CALN1: variants seen among roughly 807,000 people sequenced by gnomAD.
The protein encoded by CALN1 is calcium-binding protein 8.
Under a neutral mutation model 30.6 loss-of-function variants are expected in CALN1, and 17 were observed. The observed-to-expected ratio is 0.56, with a 90% confidence interval of 0.38 to 0.83. The LOEUF is 0.83. Among genes scored for constraint, CALN1 ranks in the 40% least tolerant of loss-of-function variants. The pLI is 0.00. For missense variants in CALN1, 291 were observed against 354.9 expected (o/e 0.82, Z 1.45); for synonymous variants, 156 against 131.4 (o/e 1.19, Z -1.28).
chr7:72,313,236 T>C (rs570760586), intron 2 of CALN1, among the ~76,000 whole-genome samples: 1 of 152,276 alleles, frequency 6.6e-6, no homozygotes, highest in East Asian at 1.9e-4. Flanking sequence ...CAGATGAGTA[T>C]GGTAATTCGG....
At chr7:72,297,841 T>C (rs1388186769) in intron 2 of CALN1, among the ~76,000 whole-genome samples, 1 of 152,208 alleles carries the variant, frequency 6.6e-6, no homozygotes, top group Non-Finnish European at 1.5e-5. Context: ...TTCCCTAACG[T>C]CAACAGATGA....
chr7:71,789,337 A>C (rs183638923), intron 6 of CALN1, among the ~76,000 whole-genome samples: 189 of 152,222 alleles, frequency 1.2e-3, no homozygotes, highest in Non-Finnish European at 2.2e-3. Context: ...GAATCGCTTG[A>C]ACCCGGGAGG....
the CALN1 span, among the ~76,000 whole-genome samples, chr7:72,499,902 TTTC>T: frequency 1.8e-5 from 1 of 56,326 alleles, no homozygotes. Flanking sequence ...TCTTTCTTTC[TTTC>T]TTTCTTTCTA....
chr7:72,338,476 T>A (rs879664119), intron 2 of CALN1, among the ~76,000 whole-genome samples: 1,711 of 102,000 alleles, frequency 0.017, 31 homozygotes, highest in African/African-American at 0.035. Flanking sequence ...GCACAGTGTG[T>A]GTGTGTGTGT....
intron 4 of CALN1, among the ~76,000 whole-genome samples, chr7:72,075,061 C>T (rs1473116364): frequency 6.6e-6 from 1 of 152,084 alleles, no homozygotes; most frequent in East Asian, 1.9e-4. Flanking sequence ...GGGCTGAGGC[C>T]CAAGAAAAGC....
intron 2 of CALN1, among the ~76,000 whole-genome samples, chr7:72,306,031 T>C (rs1483007193): frequency 6.6e-6 from 1 of 152,192 alleles, no homozygotes; most frequent in African/African-American, 2.4e-5. Flanking sequence ...CCCAAATTCC[T>C]ATCTAAGGGG....
intron 5 of CALN1, among the ~76,000 whole-genome samples, chr7:72,019,825 T>C (rs746086993): frequency 6.6e-6 from 1 of 152,174 alleles, no homozygotes; most frequent in Non-Finnish European, 1.5e-5. Context: ...TATTTAGTGT[T>C]GTTTTCTGGC....
At chr7:72,133,563 G>A (rs577777402) in intron 3 of CALN1, among the ~76,000 whole-genome samples, 40 of 152,282 alleles carry the variant, frequency 2.6e-4, no homozygotes, top group African/African-American at 8.7e-4. Context: ...ACTAATGGAC[G>A]CTAAACCTAG....
At chr7:72,352,428 TC>T (rs1802978525) in intron 2 of CALN1, among the ~76,000 whole-genome samples, 1 of 139,476 alleles carries the variant, frequency 7.2e-6, no homozygotes, top group Admixed American at 7.2e-5. Flanking sequence ...TTTAAAGTTA[TC>T]AAAATCATAC....
intron 6 of CALN1, among the ~76,000 whole-genome samples, chr7:71,804,372 G>T (rs1787483348): frequency 6.6e-6 from 1 of 152,118 alleles, no homozygotes; most frequent in Non-Finnish European, 1.5e-5. Flanking sequence ...GCCTGGCATG[G>T]TGGCACATGC....
intron 2 of CALN1, among the ~76,000 whole-genome samples, chr7:72,373,522 AC>A (rs1252278725): frequency 5.3e-5 from 8 of 152,164 alleles, no homozygotes; most frequent in African/African-American, 1.4e-4. Context: ...TATTCAATAA[AC>A]TACATGAGAT....
At chr7:72,498,185 A>T in the CALN1 span, among the ~76,000 whole-genome samples, 7 of 152,188 alleles carry the variant, frequency 4.6e-5, no homozygotes, top group Non-Finnish European at 8.8e-5. Context: ...AGTAATACCA[A>T]ATAGATCCAT....
Position 72,320,643 on chromosome 7 carries a change from C to T in CALN1, c.120-41833G>A, listed in dbSNP as rs1800808238. Among the ~76,000 whole-genome samples, 2 of 151,828 alleles carry T rather than the reference C, an allele frequency of 1.3e-5. 1 individual carries two copies. Among genetic ancestry groups the T allele is most frequent in the Non-Finnish European group, 2.9e-5 (2 of 67,912 alleles). ...TGAGGTCAGGAGTTCAAGACCAGCC[C>T]GGCCAACATGGCAAAACCCCATCTC... On this transcript the variant is annotated intron_variant, in intron 2 of 6. Transcript: ENST00000395275.
intron 3 of CALN1, among the ~76,000 whole-genome samples, chr7:72,117,352 A>G (rs1808057421): frequency 6.6e-6 from 1 of 152,182 alleles, no homozygotes; most frequent in Non-Finnish European, 1.5e-5. Flanking sequence ...TTTGTTACGT[A>G]GATGAAGTCT....
intron 3 of CALN1, among the ~76,000 whole-genome samples, chr7:72,115,851 G>C (rs1807947949): frequency 6.6e-6 from 1 of 151,578 alleles, no homozygotes; most frequent in Non-Finnish European, 1.5e-5. Flanking sequence ...CTGGTAACCA[G>C]CAACCTACTC....
chr7:72,255,625 A>G (rs1405992340), intron 3 of CALN1, among the ~76,000 whole-genome samples: 1 of 150,690 alleles, frequency 6.6e-6, no homozygotes, highest in Non-Finnish European at 1.5e-5. Context: ...CACATAGGCC[A>G]GGCTGGTCTT....
At chr7:72,067,315 C>T (rs760956801) in intron 4 of CALN1, among the ~76,000 whole-genome samples, 1 of 152,158 alleles carries the variant, frequency 6.6e-6, no homozygotes, top group Non-Finnish European at 1.5e-5. Context: ...GATCATGGCT[C>T]ACTGCAGCCT....
the CALN1 span, among the ~76,000 whole-genome samples, chr7:72,502,182 ACCT>A: frequency 6.7e-6 from 1 of 149,234 alleles, no homozygotes; most frequent in Non-Finnish European, 1.5e-5. Context: ...AAACCTTAAA[ACCT>A]TAGGAGGGAC....
the CALN1 span, among the ~76,000 whole-genome samples, chr7:72,487,734 A>AAAGGAAGGAAGGAAGGAAGGAAGGAAGG: frequency 3.5e-5 from 2 of 56,572 alleles, no homozygotes; most frequent in Admixed American, 3.5e-4. Flanking sequence ...AGAAAGAAAG[A>AAAGGAAGGAAGGAAGGAAGGAAGGAAGG]AAGGAAGGAA....
Sources: gnomAD v4.1 joint callset for allele counts (sites outside exome capture counted in the v4.1 genomes callset) on GRCh38, gnomAD v4.1.1 for gene constraint, MANE v1.5 for transcripts, NCBI Gene and HGNC (gene_info 2026-07-23, HGNC 2026-07-21) for gene names.